The following NELL2 variants were observed in gnomAD, a reference collection of about 807,000 sequenced individuals.
NELL2 encodes protein kinase C-binding protein NELL2.
In NELL2, 41 loss-of-function variants were observed where a neutral mutation model predicts 109.6. The observed-to-expected ratio is 0.37, with a 90% CI of 0.29 to 0.49. NELL2 has a LOEUF of 0.49. Among genes scored for constraint, NELL2 ranks in the 20% least tolerant of loss-of-function variants. NELL2 has a pLI of 0.98. For missense variants in NELL2, 900 were observed against 1,008.3 expected, an observed-to-expected ratio of 0.89 and a Z score of 1.45; for synonymous variants, 355 against 344.7, an observed-to-expected ratio of 1.03 and a Z score of -0.33.
At chr12:44,739,527 G>GA (rs1939828430) in intron 9 of NELL2, among the ~76,000 whole-genome samples, 1 of 151,968 alleles carries the variant, frequency 6.6e-6, no homozygotes, top group Non-Finnish European at 1.5e-5. Context: ...AAAATGGTTG[G>GA]AAAAAATTAA....
rs1592046247 is a variant in NELL2 at position 44,510,487 on chromosome 12, G to A, written c.2401-1503C>T. On this transcript the variant is annotated intron_variant, in intron 19 of 19. Transcript: ENST00000429094. ...ATTGAAATGCATTATACTTTAATAT[G>A]ATAAAAACTGAAAGTGTCTTTGTTT... is the stretch of plus-strand genomic sequence containing the variant. Among the ~76,000 whole-genome samples, 4 of 152,190 alleles carry A rather than the reference G, an allele frequency of 2.6e-5. No homozygotes were observed. The East Asian group carries it at 5.8e-4, about 22-fold the overall frequency.
At chr12:44,605,059 T>C (rs1158530556) in intron 15 of NELL2, among the ~76,000 whole-genome samples, 10 of 151,808 alleles carry the variant, frequency 6.6e-5, no homozygotes, top group Admixed American at 6.6e-4. Flanking sequence ...AATATTCAGG[T>C]TTTGGTAGAG....
intron 2 of NELL2, among the ~76,000 whole-genome samples, chr12:44,827,612 A>T (rs1943756226): frequency 6.6e-6 from 1 of 152,118 alleles, no homozygotes; most frequent in Non-Finnish European, 1.5e-5. Context: ...CACTTAACAT[A>T]AACACCTCCA....
At chr12:44,729,699 T>G (rs1939267083) in intron 9 of NELL2, among the ~76,000 whole-genome samples, 1 of 142,940 alleles carries the variant, frequency 7.0e-6, no homozygotes, top group Non-Finnish European at 1.5e-5. Flanking sequence ...AGCAAGAAGC[T>G]TCCAGGATTT....
intron 14 of NELL2, among the ~76,000 whole-genome samples, chr12:44,609,927 G>GATAAATCATATGTC (rs1945547091): frequency 6.6e-6 from 1 of 151,946 alleles, no homozygotes; most frequent in Admixed American, 6.6e-5. Context: ...GCCTAAATTG[G>GATAAATCATATGTC]ATAAATCATA....
intron 12 of NELL2, among the ~76,000 whole-genome samples, chr12:44,698,777 T>C (rs555319950): frequency 7.2e-5 from 11 of 152,354 alleles, no homozygotes; most frequent in African/African-American, 2.6e-4. Flanking sequence ...ATGTGTGACA[T>C]GCAATCATAT....
chr12:44,694,984 G>A (rs1949015658), intron 12 of NELL2, among the ~76,000 whole-genome samples: 1 of 150,734 alleles, frequency 6.6e-6, no homozygotes, highest in Admixed American at 6.6e-5. Context: ...GAGATGGTAA[G>A]CAGCTGAAAA....
chr12:44,895,387 A>C (rs1407827571), intron 1 of NELL2, among the ~76,000 whole-genome samples: 1 of 152,224 alleles, frequency 6.6e-6, no homozygotes, highest in African/African-American at 2.4e-5. Context: ...TATTTATCTT[A>C]GCTTTATTTA....
intron 9 of NELL2, among the ~76,000 whole-genome samples, chr12:44,741,189 T>C (rs1281762504): frequency 1.3e-5 from 2 of 152,254 alleles, no homozygotes; most frequent in Non-Finnish European, 2.9e-5. Flanking sequence ...ACTTAATAAA[T>C]AGTAAATACA....
At chr12:44,600,127 AATTTATTTATTTATTTATTTATTTATTT>A (rs57168113) in intron 15 of NELL2, among the ~76,000 whole-genome samples, 5 of 132,218 alleles carry the variant, frequency 3.8e-5, no homozygotes, top group Admixed American at 2.3e-4. Flanking sequence ...ACGCCCGGCT[AATTTATTTATTTATTTATTTATTTATTT>A]ATTTATTTAT....
At chr12:44,794,452 C>T (rs1217994612) in intron 3 of NELL2, among the ~76,000 whole-genome samples, 3 of 152,112 alleles carry the variant, frequency 2.0e-5, no homozygotes, top group African/African-American at 7.2e-5. Context: ...TCTGATGCAG[C>T]GCAGCAAGGA....
chr12:44,775,351 TA>T (rs1373382116), intron 8 of NELL2, among the ~76,000 whole-genome samples: 4 of 152,178 alleles, frequency 2.6e-5, no homozygotes, highest in African/African-American at 9.7e-5. Context: ...GAAATTTTTT[TA>T]AAAGCCTAAT....
At chr12:44,635,190 T>C (rs1418652150) in intron 13 of NELL2, among the ~76,000 whole-genome samples, 1 of 152,202 alleles carries the variant, frequency 6.6e-6, no homozygotes, top group Non-Finnish European at 1.5e-5. Context: ...TAGCCCTTTG[T>C]CAGTTGGATA....
At chr12:44,910,017 A>C (rs1225363530) in intron 1 of NELL2, among the ~76,000 whole-genome samples, 1 of 152,060 alleles carries the variant, frequency 6.6e-6, no homozygotes, top group East Asian at 1.9e-4. Flanking sequence ...AAAGATTACA[A>C]ACTATAAGAA....
chr12:44,593,670 C>T (rs1250229411), intron 15 of NELL2, among the ~76,000 whole-genome samples: 2 of 152,148 alleles, frequency 1.3e-5, no homozygotes, highest in Non-Finnish European at 2.9e-5. Context: ...TGAGGAATGG[C>T]CACACTGTCT....
At chr12:44,918,026 C>CTGGT (rs1592721258), upstream of NELL2, among the ~76,000 whole-genome samples, 1 of 152,308 alleles carries the variant, frequency 6.6e-6, no homozygotes, top group East Asian at 1.9e-4. Flanking sequence ...GAGTCCTTTC[C>CTGGT]TCTTGAAAAT....
At chr12:44,663,691 G>A (rs1261902297) in intron 13 of NELL2, among the ~76,000 whole-genome samples, 1 of 152,164 alleles carries the variant, frequency 6.6e-6, no homozygotes, top group Non-Finnish European at 1.5e-5. Context: ...AGTGCACTGG[G>A]AGAGGCGAAG....
In NELL2 at chr12:44,632,189, G is replaced by A. The variant is rs190359761; in HGVS notation, c.1445-21219C>T. Among the ~76,000 whole-genome samples, 26 of 152,094 alleles carry A rather than the reference G, an allele frequency of 1.7e-4. No homozygotes were observed. The East Asian group carries it at 1.7e-3, about 10-fold the overall frequency. On this transcript the variant is annotated intron_variant, in intron 13 of 19. Coordinates refer to ENST00000429094, the MANE Select transcript of NELL2 (RefSeq NM_001145108.2). ...GAATTTCAGAAACCTGATAAATGGC[G>A]TCAACGAAAAACTAAAGTTAACATG...
intron 13 of NELL2, among the ~76,000 whole-genome samples, chr12:44,642,125 T>G (rs573943204): frequency 7.2e-5 from 11 of 152,192 alleles, no homozygotes; most frequent in Non-Finnish European, 1.6e-4. Flanking sequence ...ATTGCACTTT[T>G]CTGCCACTTG....
Sources: allele counts gnomAD v4.1 joint callset (sites outside exome capture counted in the v4.1 genomes callset), GRCh38; gene constraint gnomAD v4.1.1; transcripts MANE v1.5; gene names NCBI Gene and HGNC (gene_info 2026-07-23, HGNC 2026-07-21).